Variants in MTHFD2L observed in about 807,000 individuals in gnomAD.
MTHFD2L encodes the protein methylenetetrahydrofolate dehydrogenase (NADP+ dependent) 2 like, also known as bifunctional methylenetetrahydrofolate dehydrogenase/cyclohydrolase 2, mitochondrial.
In MTHFD2L, 29 loss-of-function variants were observed where a neutral mutation model predicts 34.9. The ratio of observed to expected loss-of-function variants is 0.83; its 90% CI spans 0.62 to 1.13. MTHFD2L has a LOEUF of 1.13. Ranked by LOEUF, MTHFD2L falls within the 50% of genes most tolerant of loss-of-function variation. The probability of loss-of-function intolerance (pLI) is 0.00; values close to 1 mark genes in which losing one functional copy is unlikely to be tolerated. For synonymous variants in MTHFD2L, 167 were observed against 155.7 expected (o/e 1.07, Z -0.54); for missense variants, 481 against 446.5 (o/e 1.08, Z -0.70).
At chr4:74,286,263 G>A (rs1169432780) in intron 7 of MTHFD2L, among the ~76,000 whole-genome samples, 1 of 152,064 alleles carries the variant, frequency 6.6e-6, no homozygotes. Flanking sequence ...ACATTATTTT[G>A]CATGTCTAAG....
At chr4:74,235,319 G>A (rs1439745608) in intron 6 of MTHFD2L, among the ~76,000 whole-genome samples, 2 of 152,162 alleles carry the variant, frequency 1.3e-5, no homozygotes, top group Admixed American at 1.3e-4. Flanking sequence ...AAAACAGGAA[G>A]TAGACTAGAA....
chr4:74,162,765 A>T (rs1458709118), intron 1 of MTHFD2L, among the ~76,000 whole-genome samples: 1 of 152,112 alleles, frequency 6.6e-6, no homozygotes, highest in African/African-American at 2.4e-5. Context: ...AAGAAATTAA[A>T]CTTGTCAAGT....
chr4:74,129,712 A>C (rs905258559), intron 1 of MTHFD2L, among the ~76,000 whole-genome samples: 1 of 152,308 alleles, frequency 6.6e-6, no homozygotes, highest in Middle Eastern at 3.4e-3. Flanking sequence ...AAGCTAGCAG[A>C]AGACAAGAAA....
chr4:74,286,819 C>T (rs993663799), intron 7 of MTHFD2L, among the ~76,000 whole-genome samples: 1 of 152,140 alleles, frequency 6.6e-6, no homozygotes, highest in Admixed American at 6.6e-5. Flanking sequence ...TCTCTCCTCC[C>T]TGTATTCCAA....
intron 4 of MTHFD2L, among the ~76,000 whole-genome samples, chr4:74,200,208 A>T (rs943657640): frequency 6.6e-6 from 1 of 152,154 alleles, no homozygotes; most frequent in African/African-American, 2.4e-5. Flanking sequence ...GCTACCTCGG[A>T]GGCTGAGGAA....
At chr4:74,134,736 C>T (rs917077312) in intron 1 of MTHFD2L, among the ~76,000 whole-genome samples, 89 of 152,178 alleles carry the variant, frequency 5.8e-4, no homozygotes, top group African/African-American at 2.0e-3. Flanking sequence ...AGAAAAGCAA[C>T]TCAGATATTT....
intron 1 of MTHFD2L, among the ~76,000 whole-genome samples, chr4:74,126,538 T>C (rs1209101946): frequency 6.6e-6 from 1 of 152,042 alleles, no homozygotes; most frequent in Non-Finnish European, 1.5e-5. Flanking sequence ...GTTTTGTTTC[T>C]AATGTCACAC....
At chr4:74,166,049 C>G (rs954983713) in intron 1 of MTHFD2L, among the ~76,000 whole-genome samples, 1 of 152,086 alleles carries the variant, frequency 6.6e-6, no homozygotes, top group African/African-American at 2.4e-5. Context: ...TTTTATTCAA[C>G]AAAAAATATG....
intron 5 of MTHFD2L, among the ~76,000 whole-genome samples, chr4:74,215,188 G>T (rs1259613985): frequency 1.3e-5 from 2 of 151,648 alleles, no homozygotes; most frequent in Non-Finnish European, 2.9e-5. Flanking sequence ...CCTGGCTTCA[G>T]CCCCCCAGAG....
At chr4:74,185,455 A>G (rs971216196) in intron 3 of MTHFD2L, among the ~76,000 whole-genome samples, 1 of 152,088 alleles carries the variant, frequency 6.6e-6, no homozygotes, top group Non-Finnish European at 1.5e-5. Context: ...CAACATAAAA[A>G]CAAAAAAAGA....
At chr4:74,298,693 G>C (rs1749924651) in intron 7 of MTHFD2L, among the ~76,000 whole-genome samples, 1 of 152,008 alleles carries the variant, frequency 6.6e-6, no homozygotes, top group African/African-American at 2.4e-5. Context: ...AGAACTTATA[G>C]TCAAAATGTT....
At chr4:74,294,878 G>A (rs911657569) in intron 7 of MTHFD2L, among the ~76,000 whole-genome samples, 4 of 152,040 alleles carry the variant, frequency 2.6e-5, no homozygotes, top group African/African-American at 4.8e-5. Context: ...GAGAGAACAC[G>A]GAAGATTAGA....
intron 7 of MTHFD2L, among the ~76,000 whole-genome samples, chr4:74,301,024 A>C (rs938837366): frequency 6.6e-6 from 1 of 152,070 alleles, no homozygotes; most frequent in African/African-American, 2.4e-5. Context: ...ATCACATATC[A>C]CTAGCTGGGA....
chr4:74,117,368 T>C (rs1476677046), intron 2 of MTHFD2L, among the ~76,000 whole-genome samples: 1 of 152,180 alleles, frequency 6.6e-6, no homozygotes, highest in Non-Finnish European at 1.5e-5. Flanking sequence ...GCTACTATTG[T>C]TAAGAGGAAA....
chr4:74,170,219 C>T (rs1033074855), intron 1 of MTHFD2L, among the ~76,000 whole-genome samples: 1 of 152,090 alleles, frequency 6.6e-6, no homozygotes, highest in African/African-American at 2.4e-5. Context: ...GTAGATGCAA[C>T]AATTTTAACA....
chr4:74,249,882 A>T (rs1743059010), intron 6 of MTHFD2L, among the ~76,000 whole-genome samples: 1 of 152,200 alleles, frequency 6.6e-6, no homozygotes, highest in African/African-American at 2.4e-5. Context: ...CTTTGTAGGT[A>T]ACCCGACCTT....
rs539849285 is a variant in MTHFD2L, at chr4:74,158,181, C to G, written c.43C>G (p.Leu15Val). 6.5e-7 allele frequency: 1 copy of G among 1,526,872 alleles called. No individual in the cohort carries two copies. The highest frequency in any genetic ancestry group is 8.8e-7 in the Non-Finnish European group (1 of 1,138,020). The allele number at this position is 1,526,872 out of a possible 1,614,324, so 94.6% of individuals were successfully genotyped here. Residue 15 changes from leucine to valine, a missense_variant, in exon 1 of 8, where the codon CTT becomes GTT. Coordinates refer to ENST00000325278, the MANE Select transcript of MTHFD2L (RefSeq NM_001144978.3). ...VRGFSLLRGR[L>V]GRAPALGRST... ...CGGCTTCTCGCTGCTCCGCGGCCGC[C>G]TTGGCCGAGCGCCGGCGTTGGGCAG...
chr4:74,202,967 A>G (rs1389076825), intron 5 of MTHFD2L, among the ~76,000 whole-genome samples: 2 of 152,156 alleles, frequency 1.3e-5, no homozygotes, highest in African/African-American at 2.4e-5. Flanking sequence ...CAAACTTTCA[A>G]TAATACTTGT....
intron 6 of MTHFD2L, among the ~76,000 whole-genome samples, chr4:74,234,721 A>C (rs957563249): frequency 2.0e-5 from 3 of 152,010 alleles, no homozygotes; most frequent in Non-Finnish European, 2.9e-5. Context: ...AATTAGTGTA[A>C]TACAGCTTGC....
Sources: gnomAD v4.1 joint callset for allele counts (sites outside exome capture counted in the v4.1 genomes callset) on GRCh38, gnomAD v4.1.1 for gene constraint, MANE v1.5 for transcripts, NCBI Gene and HGNC (gene_info 2026-07-23, HGNC 2026-07-21) for gene names.